Variants in MYH16 observed in about 807,000 individuals in gnomAD.
MYH16 encodes the protein myosin heavy chain 16.
chr7:99,255,263 C>T (rs1031444837), intron 8 of MYH16, among the ~76,000 whole-genome samples: 8 of 151,142 alleles, frequency 5.3e-5, no homozygotes, highest in Non-Finnish European at 1.0e-4. Context: ...AGCAAGACTC[C>T]GTCTCAAAAA....
intron 17 of MYH16, among the ~76,000 whole-genome samples, chr7:99,266,230 A>G (rs958696471): frequency 3.3e-5 from 5 of 152,114 alleles, no homozygotes; most frequent in African/African-American, 1.2e-4. Context: ...TGCCTGTTGC[A>G]CTAACTGCCC....
At chr7:99,277,916 T>TGTGTGTGTGTGA (rs1478749471) in intron 21 of MYH16, among the ~76,000 whole-genome samples, 1 of 132,226 alleles carries the variant, frequency 7.6e-6, no homozygotes, top group African/African-American at 3.0e-5. Context: ...TGTGTGTGTG[T>TGTGTGTGTGTGA]GAGAGAGAGA....
intron 2 of MYH16, among the ~76,000 whole-genome samples, chr7:99,247,283 C>T (rs556108100): frequency 4.6e-5 from 7 of 152,330 alleles, no homozygotes; most frequent in Admixed American, 1.3e-4. Context: ...AGCGATTCTC[C>T]TGCCTCAGCC....
At chr7:99,279,818 C>G (rs569779734) in intron 22 of MYH16, 81 bp downstream of exon 4, 2 of 390,436 alleles carry the variant, frequency 5.1e-6, no homozygotes, top group East Asian at 7.2e-5. Context: ...GGTGGCTACA[C>G]CCAGTGCCCT....
chr7:99,263,055 G>A (rs770949466), intron 13 of MYH16, among the ~76,000 whole-genome samples: 5 of 152,152 alleles, frequency 3.3e-5, no homozygotes, highest in African/African-American at 1.2e-4. Flanking sequence ...AGGGGAGTCT[G>A]GGTTTATGTG....
At chr7:99,277,080 T>C (rs1370081964) in intron 20 of MYH16, among the ~76,000 whole-genome samples, 1 of 145,772 alleles carries the variant, frequency 6.9e-6, no homozygotes, top group African/African-American at 2.6e-5. Flanking sequence ...AGAGAAACAG[T>C]GGGCGAGTGA....
chr7:99,275,827 A>C lies in MYH16; in HGVS notation n.2486-1712A>C, dbSNP rs189317692. On this transcript the variant is annotated intron_variant and non_coding_transcript_variant, in intron 20 of 41. Coordinates refer to ENST00000439784, the Ensembl canonical transcript of MYH16. ...GCTCACTGCAACCTCCGCCTCCCGG[A>C]TTCAAGCGATTCTCCTGCCTCAACC... is the stretch of plus-strand genomic sequence containing the variant. 1.2e-4 allele frequency among the ~76,000 whole-genome samples: 19 copies of C among 152,264 alleles called. No individual in the cohort carries two copies. The East Asian group carries it at 3.5e-3, about 28-fold the overall frequency.
At chr7:99,278,213 G>A (rs1792145917) in intron 21 of MYH16, among the ~76,000 whole-genome samples, 1 of 152,092 alleles carries the variant, frequency 6.6e-6, no homozygotes, top group Non-Finnish European at 1.5e-5. Flanking sequence ...AAAGTGCTGG[G>A]ATTACAGGTG....
At chr7:99,280,825 G>A (rs545003618) in intron 22 of MYH16, 51 bp from the exon 5 acceptor site, 3 of 249,794 alleles carry the variant, frequency 1.2e-5, no homozygotes, top group Non-Finnish European at 2.5e-5. Flanking sequence ...CCCAAGCTGA[G>A]GACTCCCTCC....
At chr7:99,297,570 C>A in intron 34 of MYH16, 90 bp from the exon 16 acceptor site, 1 of 389,250 alleles carries the variant, frequency 2.6e-6, no homozygotes, top group East Asian at 7.2e-5. Context: ...CTTTGGGAGG[C>A]CTGCTTCTTA....
At chr7:99,270,846 T>C (rs1792037913) in intron 18 of MYH16, 1 of 152,154 alleles carries the variant, frequency 6.6e-6, no homozygotes. Flanking sequence ...ATCGCGCCAC[T>C]GCACTCCAGC....
chr7:99,296,549 C>T (rs1345369684), intron 33 of MYH16, among the ~76,000 whole-genome samples, 152 bp from the exon 15 acceptor site: 1 of 150,198 alleles, frequency 6.7e-6, no homozygotes, highest in Admixed American at 6.7e-5. Context: ...GTGCTTCTGC[C>T]ATAGCTGTTG....
intron 8 of MYH16, among the ~76,000 whole-genome samples, chr7:99,254,771 G>T (rs1791852643): frequency 6.6e-6 from 1 of 152,144 alleles, no homozygotes; most frequent in South Asian, 2.1e-4. Flanking sequence ...CCCACAGGTG[G>T]GCTTTATTTG....
chr7:99,245,676 C>T (rs937067676), intron 2 of MYH16, among the ~76,000 whole-genome samples: 1 of 152,110 alleles, frequency 6.6e-6, no homozygotes, highest in South Asian at 2.1e-4. Context: ...TACAAACTTG[C>T]GCTACCACGC....
At chr7:99,303,781 G>A (rs950764122) in intron 39 of MYH16, among the ~76,000 whole-genome samples, 9 of 152,210 alleles carry the variant, frequency 5.9e-5, no homozygotes, top group South Asian at 4.2e-4. Flanking sequence ...CAGCCTGGGC[G>A]ACAGAACAAG....
intron 36 of MYH16, among the ~76,000 whole-genome samples, chr7:99,298,932 G>A (rs995740772): frequency 6.6e-6 from 1 of 151,924 alleles, no homozygotes; most frequent in Non-Finnish European, 1.5e-5. Flanking sequence ...AAGCATAAAG[G>A]TTATTTAATT....
intron 2 of MYH16, among the ~76,000 whole-genome samples, chr7:99,245,350 C>T (rs918184112): frequency 6.6e-6 from 1 of 152,146 alleles, no homozygotes; most frequent in East Asian, 1.9e-4. Context: ...TTACTTGGTT[C>T]AAAATGGAAG....
downstream of MYH16, among the ~76,000 whole-genome samples, chr7:99,309,365 G>A (rs545666379): frequency 6.6e-6 from 1 of 152,238 alleles, no homozygotes; most frequent in African/African-American, 2.4e-5. Flanking sequence ...GGTCAGTTTG[G>A]GTTTTGGCCA....
At chr7:99,282,859 T>C (rs1792220280) in intron 23 of MYH16, among the ~76,000 whole-genome samples, 1 of 151,180 alleles carries the variant, frequency 6.6e-6, no homozygotes, top group African/African-American at 2.4e-5. Flanking sequence ...GCATATTCAA[T>C]GAAAAAGAAC....
Sources: gnomAD v4.1 joint callset for allele counts (sites outside exome capture counted in the v4.1 genomes callset) on GRCh38, gnomAD v4.1.1 for gene constraint, MANE v1.5 for transcripts, NCBI Gene and HGNC (gene_info 2026-07-23, HGNC 2026-07-21) for gene names.